CD3G: variants seen among roughly 807,000 people sequenced by gnomAD.
The protein encoded by CD3G is T-cell surface glycoprotein CD3 gamma chain.
In CD3G, 24 loss-of-function variants were observed where a neutral mutation model predicts 28.3. The observed-to-expected ratio is 0.85, with a 90% CI of 0.61 to 1.19. CD3G has a LOEUF of 1.19. Among genes scored for constraint, CD3G ranks in the 50% most tolerant of loss-of-function variants. CD3G has a pLI of 0.00. For synonymous variants in CD3G, 71 were observed against 75.9 expected (o/e 0.93, Z 0.34); for missense variants, 211 against 210.0 (o/e 1.00, Z -0.03).
chr11:118,349,961 T>C lies in CD3G; in HGVS notation c.298T>C (p.Tyr100His), dbSNP rs1948391457. The change falls in exon 3 of 7, where the codon TAT becomes CAT. Residue 100 changes from tyrosine (Y) to histidine (H), a missense_variant. Tyr to His is a moderately conservative substitution (Grantham distance 83). Transcript: ENST00000532917. ...SQNKSKPLQV[Y>H]YRMCQNCIEL... ...GAACAAGTCAAAACCACTCCAAGTG[T>C]ATTACAGAAGTATGTAATCCCCTTT... The C allele has an allele frequency of 1.2e-6, 2 of 1,611,694 alleles. No homozygotes were observed. Among genetic ancestry groups the C allele is most frequent in the South Asian group, 1.1e-5 (1 of 91,040 alleles).
chr11:118,346,894 G>T (rs563538638), intron 1 of CD3G, among the ~76,000 whole-genome samples: 1 of 151,862 alleles, frequency 6.6e-6, no homozygotes, highest in Non-Finnish European at 1.5e-5. Flanking sequence ...AGAATGAGGG[G>T]TCTCTGTCTT....
intron 1 of CD3G, among the ~76,000 whole-genome samples, chr11:118,347,557 T>C (rs772600470): frequency 6.6e-5 from 10 of 152,238 alleles, no homozygotes; most frequent in Non-Finnish European, 1.0e-4. Flanking sequence ...TCTAATTGAA[T>C]TGAATTCAAG....
intron 4 of CD3G, 82 bp downstream of exon 4, chr11:118,350,765 G>A: frequency 6.2e-7 from 1 of 1,607,784 alleles, no homozygotes; most frequent in Non-Finnish European, 8.5e-7. Context: ...CAATGGAAGA[G>A]ACTGAGTTGG....
rs1948392898 is a variant in CD3G at position 118,350,108 on chromosome 11, T to C, written c.307+138T>C. ...CCTGTTCTCTTAATTTCAGCTTGCC[T>C]CTTTTAAAATACTGTAAGATACTTC... On this transcript the variant is annotated intron_variant, in intron 3 of 6. Transcript: ENST00000532917. 23 of 722,958 alleles carry C rather than the reference T, an allele frequency of 3.2e-5. 1 individual carries two copies. The highest frequency in any genetic ancestry group is 3.1e-4 in the South Asian group (20 of 64,638). 44.8% of individuals were successfully genotyped at this position (722,958 alleles called of 1,614,324 possible). A position where few individuals can be genotyped will look rare whatever the true frequency, so the allele number is the denominator to read the frequency against.
chr11:118,348,911 A>T, intron 1 of CD3G, 116 bp from the exon 2 acceptor site: 1 of 1,183,818 alleles, frequency 8.4e-7, no homozygotes, highest in Non-Finnish European at 1.3e-6. Context: ...AGATACTACC[A>T]TTTTCATGGA....
At chr11:118,349,370 T>C (rs1421203778) in intron 2 of CD3G, 3 of 1,111,932 alleles carry the variant, frequency 2.7e-6, no homozygotes, top group Non-Finnish European at 3.6e-6. Flanking sequence ...TCAATCCTTC[T>C]CTTTAGTTCA....
chr11:118,349,450 C>T, intron 2 of CD3G: 1 of 649,220 alleles, frequency 1.5e-6, no homozygotes, highest in Non-Finnish European at 2.5e-6. Flanking sequence ...TAGTATCTTC[C>T]AAATAACATG....
intron 1 of CD3G, among the ~76,000 whole-genome samples, chr11:118,345,487 G>A (rs1948347165): frequency 6.6e-6 from 1 of 152,228 alleles, no homozygotes. Context: ...GTCAGGTGAT[G>A]AGGTCAGCAA....
chr11:118,350,478 A>G (rs1948396728), intron 3 of CD3G, 74 bp from the exon 4 acceptor site: 6 of 1,056,714 alleles, frequency 5.7e-6, no homozygotes, highest in African/African-American at 3.1e-5. Context: ...GCATTATTGC[A>G]GACAGGCAGG....
chr11:118,348,533 C>A (rs1012342411), intron 1 of CD3G, among the ~76,000 whole-genome samples: 2 of 152,154 alleles, frequency 1.3e-5, no homozygotes, highest in African/African-American at 4.8e-5. Context: ...GATGGGTTCA[C>A]CAACCAGGAA....
chr11:118,348,908 A>ACCATT (rs1265495220), intron 1 of CD3G, 119 bp from the exon 2 acceptor site: 1 of 1,126,992 alleles, frequency 8.9e-7, no homozygotes, highest in African/African-American at 1.5e-5. Context: ...TATAGATACT[A>ACCATT]CCATTTTCAT....
At chr11:118,350,082 G>T (rs140651977) in intron 3 of CD3G, 112 bp downstream of exon 3, 2 of 804,226 alleles carry the variant, frequency 2.5e-6, no homozygotes, top group African/African-American at 1.7e-5. Flanking sequence ...TAATATTATC[G>T]CCTGTTCTCT....
chr11:118,347,744 G>A (rs1048766561), intron 1 of CD3G, among the ~76,000 whole-genome samples: 5 of 152,094 alleles, frequency 3.3e-5, no homozygotes, highest in African/African-American at 1.2e-4. Context: ...CCCACCTCCT[G>A]AGTAGCTGGG....
Position 118,344,461 on chromosome 11 carries a change from C to T in CD3G, c.38C>T (p.Ala13Val), listed in dbSNP as rs1430979560. The T allele has an allele frequency of 1.3e-6, 2 of 1,570,014 alleles. No homozygotes were observed. Among genetic ancestry groups the T allele is most frequent in the Non-Finnish European group, 1.7e-6 (2 of 1,156,890 alleles). ...QGKGLAVLIL[A>V]IILLQGTLAQ... is the part of the protein sequence containing the mutation. ...AAGGGCCTGGCTGTCCTCATCCTGG[C>T]TATCATTCTTCTTCAAGGTAAGGGC... Residue 13 changes from alanine to valine, a missense_variant, in exon 1 of 7, where the codon GCT becomes GTT. Coordinates refer to ENST00000532917, the MANE Select transcript of CD3G (RefSeq NM_000073.3).
intron 6 of CD3G, 25 bp downstream of exon 6, chr11:118,352,512 A>T: frequency 6.7e-7 from 1 of 1,483,490 alleles, no homozygotes; most frequent in Non-Finnish European, 9.4e-7. Flanking sequence ...GCCAATTCTA[A>T]TAAAGGACCC....
At chr11:118,350,889 G>GAAAAAAA (rs372079196) in intron 4 of CD3G, 103 of 632,254 alleles carry the variant, frequency 1.6e-4, no homozygotes, top group South Asian at 4.6e-4. Flanking sequence ...CTCCCTCTGT[G>GAAAAAAA]AAAAAAAAAA....
Position 118,350,584 on chromosome 11 carries a change from A to G in CD3G, c.340A>G (p.Thr114Ala). The change falls in exon 4 of 7, where the codon ACC becomes GCC. Residue 114 changes from threonine to alanine, a missense_variant. By Grantham distance (58) the Thr-to-Ala change is moderately conservative. Coordinates refer to ENST00000532917, the MANE Select transcript of CD3G (RefSeq NM_000073.3). ...GAACTGCATTGAACTAAATGCAGCC[A>G]CCATATCTGGCTTTCTCTTTGCTGA... ...CQNCIELNAATISGFLFAEIV... is the reference protein window; with the variant it reads ...CQNCIELNAAAISGFLFAEIV... 6.2e-7 allele frequency: 1 copy of G among 1,614,074 alleles called. No homozygotes were observed. The highest frequency in any genetic ancestry group is 8.5e-7 in the Non-Finnish European group (1 of 1,179,964).
In CD3G at chr11:118,350,919, T is replaced by A. The variant is rs2510208; in HGVS notation, c.439+236T>A. 15 of 1,158,820 alleles carry A rather than the reference T, an allele frequency of 1.3e-5. No individual in the cohort carries two copies. In the African/African-American group the frequency reaches 2.6e-4, roughly 20 times the overall value. 71.8% of individuals were successfully genotyped at this position (1,158,820 alleles called of 1,614,324 possible). On this transcript the variant is annotated intron_variant, in intron 4 of 6. Coordinates refer to ENST00000532917, the MANE Select transcript of CD3G (RefSeq NM_000073.3). ...AAAAAAAAAACAAAAACAGGCGCAG[T>A]GGCTCACGCCTGTAATCACAACACT... is the stretch of plus-strand genomic sequence containing the variant.
In CD3G at chr11:118,349,899, A is replaced by G. The variant is rs1228487474; in HGVS notation, c.236A>G (p.Lys79Arg). The change falls in exon 3 of 7, where the codon AAG becomes AGG. Residue 79 changes from lysine (K) to arginine (R), a missense_variant. Lys to Arg is a conservative substitution (Grantham distance 26). Coordinates refer to ENST00000532917, the MANE Select transcript of CD3G (RefSeq NM_000073.3). ...KKKWNLGSNA[K>R]DPRGMYQCKG... ...AAATGGAATCTGGGAAGTAATGCCAAGGACCCTCGAGGGATGTATCAGTGT... is the reference window on the plus strand; with the variant it reads ...AAATGGAATCTGGGAAGTAATGCCAGGGACCCTCGAGGGATGTATCAGTGT... 3 of 1,614,192 alleles carry G rather than the reference A, an allele frequency of 1.9e-6. No individual in the cohort carries two copies. In the South Asian group the frequency reaches 3.3e-5, roughly 18 times the overall value.
Sources: allele counts gnomAD v4.1 joint callset (sites outside exome capture counted in the v4.1 genomes callset), GRCh38; gene constraint gnomAD v4.1.1; transcripts MANE v1.5; gene names NCBI Gene and HGNC (gene_info 2026-07-23, HGNC 2026-07-21).